The following RBFOX3 variants were observed in gnomAD, a reference collection of about 807,000 sequenced individuals.
The protein encoded by RBFOX3 is RNA binding protein fox-1 homolog 3.
Under a neutral mutation model 48.7 loss-of-function variants are expected in RBFOX3, and 17 were observed. That is an observed-to-expected ratio of 0.35 (90% CI 0.24 to 0.52). RBFOX3 has a LOEUF of 0.52. RBFOX3 is among the 20% of genes least tolerant of loss of function. RBFOX3 has a pLI of 0.94. For missense variants in RBFOX3, 382 were observed against 497.5 expected (o/e 0.77, Z 2.21); for synonymous variants, 212 against 209.5 (o/e 1.01, Z -0.10).
chr17:79,645,362 G>A, the RBFOX3 span, among the ~76,000 whole-genome samples: 1 of 146,262 alleles, frequency 6.8e-6, no homozygotes, highest in Non-Finnish European at 1.5e-5. Context: ...GCCTCTTTAT[G>A]CGCCACCAAA....
intron 4 of RBFOX3, among the ~76,000 whole-genome samples, chr17:79,225,966 G>A (rs565627181): frequency 1.9e-4 from 29 of 152,294 alleles, no homozygotes; most frequent in African/African-American, 7.0e-4. Context: ...GGGCAGAGGA[G>A]GGGGCTGCAG....
chr17:79,386,678 C>G (rs2060607607), intron 2 of RBFOX3, among the ~76,000 whole-genome samples: 1 of 152,240 alleles, frequency 6.6e-6, no homozygotes, highest in African/African-American at 2.4e-5. Context: ...AGTTCCTTCC[C>G]CACCCGACAT....
chr17:79,632,201 G>C, the RBFOX3 span, among the ~76,000 whole-genome samples: 1 of 152,178 alleles, frequency 6.6e-6, no homozygotes, highest in Admixed American at 6.5e-5. Context: ...ATTCTGAACA[G>C]AATTTAATAT....
At chr17:79,406,017 A>G (rs1310986404) in intron 2 of RBFOX3, among the ~76,000 whole-genome samples, 1 of 152,170 alleles carries the variant, frequency 6.6e-6, no homozygotes, top group Non-Finnish European at 1.5e-5. Flanking sequence ...CCCTGCATGT[A>G]TTGGCCCCTT....
At chr17:79,240,823 C>T (rs1041564678) in intron 3 of RBFOX3, among the ~76,000 whole-genome samples, 3 of 152,092 alleles carry the variant, frequency 2.0e-5, no homozygotes, top group East Asian at 3.9e-4. Flanking sequence ...GCCACCACAC[C>T]CAGCTAATTT....
chr17:79,622,245 C>A, the RBFOX3 span, among the ~76,000 whole-genome samples: 1 of 152,236 alleles, frequency 6.6e-6, no homozygotes, highest in Non-Finnish European at 1.5e-5. Context: ...AGACCGCCTG[C>A]CCGTGGAGCC....
rs142408998 is a variant in RBFOX3 at position 79,298,941 on chromosome 17, C to A, written c.-74+8783G>T. 1.9e-4 allele frequency among the ~76,000 whole-genome samples: 29 copies of A among 152,272 alleles called. No individual in the cohort carries two copies. The East Asian group carries it at 5.6e-3, about 29-fold the overall frequency. On this transcript the variant is annotated intron_variant, in intron 3 of 14. Transcript: ENST00000693108. Reference sequence around the variant, plus strand: ...CAGCAAACAGACTGTGCTGGTGGCACGATCCATCAGGGCTGGGTGGCAGCA... The same window carrying A: ...CAGCAAACAGACTGTGCTGGTGGCAAGATCCATCAGGGCTGGGTGGCAGCA...
At chr17:79,137,237 G>GCACACACACACACACA (rs4012813) in intron 4 of RBFOX3, among the ~76,000 whole-genome samples, 3 of 150,390 alleles carry the variant, frequency 2.0e-5, no homozygotes, top group African/African-American at 7.3e-5. Flanking sequence ...CCCTCTTCAT[G>GCACACACACACACACA]CACACACACA....
At chr17:79,388,261 T>A (rs898169564) in intron 2 of RBFOX3, among the ~76,000 whole-genome samples, 1 of 151,642 alleles carries the variant, frequency 6.6e-6, no homozygotes, top group African/African-American at 2.4e-5. Context: ...CACAGAAGAG[T>A]CATGCCCAGG....
At chr17:79,250,884 A>C (rs2063841653) in intron 3 of RBFOX3, among the ~76,000 whole-genome samples, 1 of 143,446 alleles carries the variant, frequency 7.0e-6, no homozygotes, top group Admixed American at 7.5e-5. Context: ...GGCTCACTGC[A>C]ACCTCCACCT....
intron 4 of RBFOX3, among the ~76,000 whole-genome samples, chr17:79,170,042 GAGA>G (rs1165527630): frequency 1.6e-5 from 2 of 123,422 alleles, no homozygotes; most frequent in African/African-American, 7.1e-5. Context: ...GAGAAGGAAG[GAGA>G]AGAGGGAAGG....
chr17:79,307,153 G>T (rs938219736), intron 3 of RBFOX3, among the ~76,000 whole-genome samples: 1 of 152,354 alleles, frequency 6.6e-6, no homozygotes, highest in South Asian at 2.1e-4. Context: ...CGGCCACCTC[G>T]GGGCGCGGAA....
upstream of RBFOX3, among the ~76,000 whole-genome samples, chr17:79,615,960 G>C (rs2093992257): frequency 6.6e-6 from 1 of 152,158 alleles, no homozygotes; most frequent in Non-Finnish European, 1.5e-5. Context: ...AATCATCACA[G>C]ACAGAAAGGA....
intron 4 of RBFOX3, among the ~76,000 whole-genome samples, chr17:79,183,922 C>T (rs911351233): frequency 6.6e-6 from 1 of 152,242 alleles, no homozygotes; most frequent in Non-Finnish European, 1.5e-5. Context: ...CCCCCCGTTG[C>T]CAGCACTTGC....
chr17:79,341,509 C>T (rs1018092943), intron 2 of RBFOX3, among the ~76,000 whole-genome samples: 5 of 152,202 alleles, frequency 3.3e-5, no homozygotes, highest in African/African-American at 4.8e-5. Context: ...GCAATTACAG[C>T]ACAGTGGCGG....
At chr17:79,483,992 C>G (rs1434321202) in intron 1 of RBFOX3, among the ~76,000 whole-genome samples, 2 of 152,170 alleles carry the variant, frequency 1.3e-5, no homozygotes, top group South Asian at 2.1e-4. Context: ...CCAACCCAAA[C>G]AGTGTATGTG....
In RBFOX3 at chr17:79,122,205, C is replaced by A. The variant is rs374360477; in HGVS notation, c.-33-6457G>T. 1.0e-3 allele frequency among the ~76,000 whole-genome samples: 157 copies of A among 152,324 alleles called. 4 individuals are homozygous for A. The South Asian group carries it at 0.031, about 31-fold the overall frequency. On this transcript the variant is annotated intron_variant, in intron 4 of 14. Coordinates refer to ENST00000693108, the MANE Select transcript of RBFOX3 (RefSeq NM_001350451.2). ...GCCTCCAGCCGCCCTGAACCGCCCA[C>A]TGCTCCCACCTTGGTCGGGCCGCCA...
chr17:79,167,878 G>T (rs2048346293), intron 4 of RBFOX3, among the ~76,000 whole-genome samples: 1 of 152,190 alleles, frequency 6.6e-6, no homozygotes, highest in African/African-American at 2.4e-5. Flanking sequence ...ACCCTCCAGG[G>T]GAAGCACAGA....
Position 79,177,214 on chromosome 17 carries a change from C to CG in RBFOX3, c.-34+58551_-34+58552insC, listed in dbSNP as rs1325778937. On this transcript the variant is annotated intron_variant, in intron 4 of 14. Coordinates refer to ENST00000693108, the MANE Select transcript of RBFOX3 (RefSeq NM_001350451.2). ...CCACCACTGGCCTCCTCCTCTCCCC[C>CG]CCCGCCCTCTCCCCAGCCTTGGAAC... Among the ~76,000 whole-genome samples, 6 of 152,126 alleles carry CG rather than the reference C, an allele frequency of 3.9e-5. No individual in the cohort carries two copies. The South Asian group carries it at 1.0e-3, about 26-fold the overall frequency.
Sources: gnomAD v4.1 joint callset for allele counts (sites outside exome capture counted in the v4.1 genomes callset) on GRCh38, gnomAD v4.1.1 for gene constraint, MANE v1.5 for transcripts, NCBI Gene and HGNC (gene_info 2026-07-23, HGNC 2026-07-21) for gene names.